Variants in NCF2 observed in about 807,000 individuals in gnomAD.
NCF2 encodes the protein neutrophil cytosol factor 2.
NCF2 carries 45 observed loss-of-function variants against 70.9 expected under a neutral mutation model. The ratio of observed to expected loss-of-function variants is 0.63; its 90% confidence interval spans 0.50 to 0.81. The LOEUF (loss-of-function observed/expected upper bound fraction) is 0.81, where lower values mean the gene tolerates loss of function less well. Ranked by LOEUF, NCF2 falls within the 40% of genes least tolerant of loss-of-function variation. The pLI is 0.00. For synonymous variants in NCF2, 203 were observed against 233.6 expected (o/e 0.87, Z 1.19); for missense variants, 522 against 631.6 (o/e 0.83, Z 1.86).
chr1:183,559,994 T>G (rs1271593952), intron 14 of NCF2, 102 bp downstream of exon 14: 1 of 1,345,190 alleles, frequency 7.4e-7, no homozygotes, highest in Admixed American at 1.8e-5. Context: ...AAACACTGGC[T>G]AAAGTTTTGT....
chr1:183,576,621 A>C (rs1399142240), intron 3 of NCF2, among the ~76,000 whole-genome samples: 1 of 152,094 alleles, frequency 6.6e-6, no homozygotes, highest in Non-Finnish European at 1.5e-5. Flanking sequence ...CTTACTCGAG[A>C]AGTTGGTCGA....
At chr1:183,599,444 T>TTC in the NCF2 span, among the ~76,000 whole-genome samples, 2 of 103,660 alleles carry the variant, frequency 1.9e-5, no homozygotes, top group African/African-American at 6.6e-5. Context: ...CTTTCTTTCT[T>TTC]TCTTTCTTTC....
At chr1:183,600,756 G>C in the NCF2 span, among the ~76,000 whole-genome samples, 2 of 151,986 alleles carry the variant, frequency 1.3e-5, no homozygotes, top group East Asian at 3.9e-4. Flanking sequence ...TTCATCAGCA[G>C]ATCATCTGAC....
intron 2 of NCF2, among the ~76,000 whole-genome samples, chr1:183,581,880 G>T (rs1673126723): frequency 1.3e-5 from 2 of 152,156 alleles, no homozygotes; most frequent in South Asian, 4.1e-4. Flanking sequence ...TGTTAGCCAG[G>T]ATGGTCTCGA....
intron 10 of NCF2, among the ~76,000 whole-genome samples, chr1:183,564,542 G>T (rs533448375): frequency 1.3e-5 from 2 of 152,116 alleles, no homozygotes; most frequent in Admixed American, 6.5e-5. Flanking sequence ...ACTATAGGGG[G>T]TACATGATCA....
chr1:183,600,157 A>T, the NCF2 span, among the ~76,000 whole-genome samples: 1 of 152,356 alleles, frequency 6.6e-6, no homozygotes, highest in South Asian at 2.1e-4. Context: ...GATAAAGACA[A>T]ATGTAAAGAT....
intron 10 of NCF2, among the ~76,000 whole-genome samples, chr1:183,564,327 A>G (rs984160500): frequency 4.6e-5 from 7 of 152,342 alleles, no homozygotes; most frequent in African/African-American, 1.2e-4. Context: ...CCAAAGGTCA[A>G]TTAAGCCCAC....
intron 3 of NCF2, among the ~76,000 whole-genome samples, chr1:183,577,168 A>T (rs1336570617): frequency 2.6e-5 from 4 of 152,168 alleles, no homozygotes; most frequent in African/African-American, 9.7e-5. Context: ...TTGGGAACTG[A>T]GCAAGCTTCT....
At chr1:183,557,009 GTT>G (rs1489710968) in intron 14 of NCF2, among the ~76,000 whole-genome samples, 1 of 152,170 alleles carries the variant, frequency 6.6e-6, no homozygotes, top group Non-Finnish European at 1.5e-5. Flanking sequence ...GTTAGTACAT[GTT>G]TGTTAAATAT....
rs1671973785 is a variant in NCF2 at position 183,560,094 on chromosome 1, A to G, written c.1468+2T>C. The G allele has an allele frequency of 1.2e-6, 2 of 1,613,814 alleles. No individual in the cohort carries two copies. Among genetic ancestry groups the G allele is most frequent in the Non-Finnish European group, 1.7e-6 (2 of 1,179,884 alleles). Reference sequence around the variant, plus strand: ...TTTCTATAGTCTTGGAGTAGCACTTACCCTTTGATAACACCAGGATTATAT... The same window carrying G: ...TTTCTATAGTCTTGGAGTAGCACTTGCCCTTTGATAACACCAGGATTATAT... On this transcript the variant is annotated splice_donor_variant, in intron 14 of 14. Coordinates refer to ENST00000367535, the MANE Select transcript of NCF2 (RefSeq NM_000433.4). LOFTEE classifies it high-confidence loss of function.
chr1:183,574,481 G>GC lies in NCF2; in HGVS notation c.501+5dup. On this transcript the variant is annotated splice_donor_region_variant and intron_variant, in intron 4 of 14. Coordinates refer to ENST00000367535, the MANE Select transcript of NCF2 (RefSeq NM_000433.4). ...CTCTCAACACCTGCATCACCAATAC[G>GC]CTTACCCAGACACACTCCATCGCCT... 6.2e-7 allele frequency: 1 copy of GC among 1,614,056 alleles called. No homozygotes were observed.
chr1:183,557,329 T>TG (rs1671836040), intron 14 of NCF2, among the ~76,000 whole-genome samples: 1 of 152,242 alleles, frequency 6.6e-6, no homozygotes, highest in Non-Finnish European at 1.5e-5. Context: ...ATGTGTGGTG[T>TG]GACTGGGCAG....
the NCF2 span, among the ~76,000 whole-genome samples, chr1:183,599,450 C>CTTTCTTTCTTTCTT: frequency 1.1e-5 from 1 of 91,280 alleles, no homozygotes; most frequent in Non-Finnish European, 2.6e-5. Flanking sequence ...TTCTTTCTTT[C>CTTTCTTTCTTTCTT]TTTCTTTCTT....
chr1:183,591,877 G>A (rs1024418019), upstream of NCF2, among the ~76,000 whole-genome samples: 4 of 152,204 alleles, frequency 2.6e-5, no homozygotes, highest in African/African-American at 7.2e-5. Context: ...AGTGAATTAT[G>A]ACTTCTCCCA....
At chr1:183,557,108 T>C (rs1200054824) in intron 14 of NCF2, among the ~76,000 whole-genome samples, 1 of 152,210 alleles carries the variant, frequency 6.6e-6, no homozygotes, top group East Asian at 1.9e-4. Context: ...TAATAACTTG[T>C]AGGTATCCAT....
rs1672162365 is a variant in NCF2 at position 183,563,414 on chromosome 1, G to A, written c.1178+20C>T. The A allele has an allele frequency of 1.4e-5, 22 of 1,614,122 alleles. No individual in the cohort carries two copies. The highest frequency in any genetic ancestry group is 1.8e-5 in the Non-Finnish European group (21 of 1,180,028). On this transcript the variant is annotated intron_variant, in intron 12 of 14. Transcript: ENST00000367535. ...CAAGGTTCCCACTGTACCCCTCACA[G>A]CTGCCTGCATGGAGCTCACCTCAGC... is the stretch of plus-strand genomic sequence containing the variant.
chr1:183,597,113 T>A, the NCF2 span, among the ~76,000 whole-genome samples: 6 of 152,372 alleles, frequency 3.9e-5, no homozygotes, highest in East Asian at 1.2e-3. Flanking sequence ...TGATGTGGCA[T>A]GATTCTAGTC....
chr1:183,588,056 A>C (rs1002744914), intron 1 of NCF2, among the ~76,000 whole-genome samples: 8 of 152,312 alleles, frequency 5.3e-5, no homozygotes, highest in Non-Finnish European at 5.9e-5. Flanking sequence ...TCTTTCATTC[A>C]TATGAATTTA....
At position 183,570,546 on chromosome 1, in the gene NCF2, G is replaced by A. The variant is rs370231142; in HGVS notation, c.669+234C>T. 3.3e-5 allele frequency among the ~76,000 whole-genome samples: 5 copies of A among 152,224 alleles called. No homozygotes were observed. The East Asian group carries it at 7.7e-4, about 23-fold the overall frequency. Reference sequence around the variant, plus strand: ...AGATGTGAAGACCGGCATTTGTGGGGAAGCAGGAGAGTTAGCTTCAGAGGA... The same window carrying A: ...AGATGTGAAGACCGGCATTTGTGGGAAAGCAGGAGAGTTAGCTTCAGAGGA... On this transcript the variant is annotated intron_variant, in intron 6 of 14. Coordinates refer to ENST00000367535, the MANE Select transcript of NCF2 (RefSeq NM_000433.4).
Sources: allele counts gnomAD v4.1 joint callset (sites outside exome capture counted in the v4.1 genomes callset), GRCh38; gene constraint gnomAD v4.1.1; transcripts MANE v1.5; gene names NCBI Gene and HGNC (gene_info 2026-07-23, HGNC 2026-07-21).